The following PBRM1 variants were observed in gnomAD, a reference collection of about 807,000 sequenced individuals.
The protein encoded by PBRM1 is polybromo 1, also known as protein polybromo-1.
Under a neutral mutation model 194.5 loss-of-function variants are expected in PBRM1, and 27 were observed. The observed-to-expected ratio is 0.14, with a 90% CI of 0.10 to 0.19. The LOEUF is 0.19. Among genes scored for constraint, PBRM1 ranks in the 10% least tolerant of loss-of-function variants. PBRM1 has a pLI of 1.00. For synonymous variants in PBRM1, 655 were observed against 693.2 expected (o/e 0.94, Z 0.87); for missense variants, 1,466 against 2,077.2 (o/e 0.71, Z 5.72).
intron 24 of PBRM1, among the ~76,000 whole-genome samples, chr3:52,562,876 C>T (rs1049088337): frequency 6.6e-6 from 1 of 151,852 alleles, no homozygotes; most frequent in African/African-American, 2.4e-5. Context: ...AAAAAAATAC[C>T]AACAATCACC....
intron 23 of PBRM1, 79 bp from the exon 26 acceptor site, chr3:52,563,572 C>A: frequency 1.0e-6 from 1 of 971,926 alleles, no homozygotes. Context: ...TCCACCTTAA[C>A]AACTAGAAGT....
rs750732604 is a variant in PBRM1 at position 52,548,023 on chromosome 3, A to G, written c.*40T>C. Reference sequence around the variant, plus strand: ...TAACTAAAATGGCTACTGATCCACAACTCTTTATGCTTCTATATAAAAGAA... The same window carrying G: ...TAACTAAAATGGCTACTGATCCACAGCTCTTTATGCTTCTATATAAAAGAA... On this transcript the variant is annotated 3_prime_UTR_variant, in exon 30 of 30. Coordinates refer to ENST00000296302, the Ensembl canonical transcript of PBRM1. 10 of 1,562,746 alleles carry G rather than the reference A, an allele frequency of 6.4e-6. No homozygotes were observed. In the South Asian group the frequency reaches 1.2e-4, roughly 18 times the overall value.
chr3:52,641,354 G>A (rs2096070284), intron 10 of PBRM1, among the ~76,000 whole-genome samples: 1 of 150,278 alleles, frequency 6.7e-6, no homozygotes, highest in Admixed American at 6.7e-5. Flanking sequence ...GGCTGAGGCA[G>A]GAGAATCACT....
intron 2 of PBRM1, among the ~76,000 whole-genome samples, chr3:52,670,068 C>G (rs1260787229): frequency 6.6e-6 from 1 of 152,120 alleles, no homozygotes. Flanking sequence ...ACAGGACCCA[C>G]AGTCCAGTGC....
intron 16 of PBRM1, among the ~76,000 whole-genome samples, chr3:52,604,093 C>T (rs912661014): frequency 6.6e-6 from 1 of 152,236 alleles, no homozygotes; most frequent in African/African-American, 2.4e-5. Context: ...ATGTTCAACA[C>T]TTACTCGTAT....
At chr3:52,587,267 A>G in intron 19 of PBRM1, 86 bp downstream of exon 21, 1 of 1,029,930 alleles carries the variant, frequency 9.7e-7, no homozygotes, top group Non-Finnish European at 1.5e-6. Context: ...AGAGTTCCTA[A>G]TTTTGTAAAC....
Position 52,624,878 on chromosome 3 carries a change from A to G in PBRM1, c.1541+2395T>C. ...ATACACTTTAAAAGAATGTTTATGC[A>G]TAAAAAAGGACTGCACACCTGGATA... is the stretch of plus-strand genomic sequence containing the variant. On this transcript the variant is annotated intron_variant, in intron 13 of 29. Transcript: ENST00000296302. The G allele has an allele frequency of 1.3e-6, 2 of 1,489,278 alleles. No homozygotes were observed. Among genetic ancestry groups the G allele is most frequent in the Non-Finnish European group, 1.8e-6 (2 of 1,091,152 alleles). 92.3% of individuals were successfully genotyped at this position (1,489,278 alleles called of 1,614,324 possible). A position where few individuals can be genotyped will look rare whatever the true frequency, so the allele number is the denominator to read the frequency against.
intron 13 of PBRM1, 44 bp downstream of exon 15, chr3:52,624,853 A>G (rs1442045778): frequency 7.7e-7 from 1 of 1,296,550 alleles, no homozygotes; most frequent in Non-Finnish European, 1.1e-6. Flanking sequence ...GCCACAGAAG[A>G]TACACTTTAA....
At chr3:52,620,988 C>T (rs919702771) in intron 13 of PBRM1, among the ~76,000 whole-genome samples, 1 of 152,174 alleles carries the variant, frequency 6.6e-6, no homozygotes, top group Admixed American at 6.5e-5. Flanking sequence ...CCAGAAAAAA[C>T]TCAGAGCCAA....
chr3:52,637,503 T>G (rs1286204994), intron 10 of PBRM1, among the ~76,000 whole-genome samples: 1 of 151,984 alleles, frequency 6.6e-6, no homozygotes, highest in Admixed American at 6.6e-5. Context: ...TGTGGTGGCA[T>G]GTGCCTGTGG....
intron 19 of PBRM1, among the ~76,000 whole-genome samples, 197 bp downstream of exon 21, chr3:52,587,156 G>C (rs574138055): frequency 6.6e-6 from 1 of 152,294 alleles, no homozygotes; most frequent in Non-Finnish European, 1.5e-5. Flanking sequence ...TAGCCAAATA[G>C]TGTAAGCAGC....
chr3:52,615,254 C>T (rs2153470936), intron 15 of PBRM1, 97 bp downstream of exon 17: 1 of 698,704 alleles, frequency 1.4e-6, no homozygotes. Flanking sequence ...ACAGTGAGTT[C>T]AAATATATTC....
In PBRM1 at chr3:52,591,511, G is replaced by GTTTTTTTTTTTTT. The variant is rs57736913; in HGVS notation, c.2780-2269_2780-2257dup. On this transcript the variant is annotated intron_variant, in intron 17 of 29. Transcript: ENST00000296302. Reference sequence around the variant, plus strand: ...TTGAGATAATGTAGTTTTTGTCTTTGTTTTTTTTTTTTTTTTTTTTTTTTT... The same window carrying GTTTTTTTTTTTTT: ...TTGAGATAATGTAGTTTTTGTCTTTGTTTTTTTTTTTTTTTTTTTTTTTTTTTTTTTTTTTTTT... Among the ~76,000 whole-genome samples the GTTTTTTTTTTTTT allele has an allele frequency of 2.2e-3, 159 of 71,864 alleles. 2 individuals are homozygous for GTTTTTTTTTTTTT. The highest frequency in any genetic ancestry group is 2.9e-3 in the East Asian group (6 of 2,082). The allele number at this position is 71,864 out of a possible 152,430, so 47.1% of individuals were successfully genotyped here.
chr3:52,682,890 T>C (rs1450035068), upstream of PBRM1, among the ~76,000 whole-genome samples: 2 of 152,024 alleles, frequency 1.3e-5, no homozygotes, highest in East Asian at 1.9e-4. Flanking sequence ...TGAAACCCTG[T>C]CTCTACTAAA....
chr3:52,587,590 TA>T, intron 18 of PBRM1, 80 bp from the exon 21 acceptor site: 72 of 971,176 alleles, frequency 7.4e-5, no homozygotes, highest in Non-Finnish European at 8.4e-5. Flanking sequence ...TTTTTTTTTT[TA>T]AAGAGACTGG....
intron 12 of PBRM1, 78 bp downstream of exon 13, chr3:52,628,816 T>C: frequency 7.6e-7 from 1 of 1,316,962 alleles, no homozygotes; most frequent in Non-Finnish European, 1.1e-6. Flanking sequence ...ATCACACATC[T>C]TACTAGAACA....
chr3:52,625,314 C>T (rs1380085764), intron 13 of PBRM1, among the ~76,000 whole-genome samples: 1 of 152,216 alleles, frequency 6.6e-6, no homozygotes, highest in Non-Finnish European at 1.5e-5. Context: ...TCTCTTATTA[C>T]CAAAACCTCT....
chr3:52,678,470 C>T (rs750132807), intron 2 of PBRM1, 30 bp downstream of exon 3: 25 of 1,431,368 alleles, frequency 1.7e-5, no homozygotes, highest in African/African-American at 2.8e-5. Context: ...CCAAATCCCC[C>T]GCAACTGTAC....
At chr3:52,664,321 G>A (rs1310080428) in intron 3 of PBRM1, among the ~76,000 whole-genome samples, 4 of 146,550 alleles carry the variant, frequency 2.7e-5, no homozygotes, top group African/African-American at 1.0e-4. Context: ...TAAAAAAGAC[G>A]CTACTTCCTA....
Sources: allele counts gnomAD v4.1 joint callset (sites outside exome capture counted in the v4.1 genomes callset), GRCh38; gene constraint gnomAD v4.1.1; transcripts MANE v1.5; gene names NCBI Gene and HGNC (gene_info 2026-07-23, HGNC 2026-07-21).